Variants in AGBL1 observed in about 807,000 individuals in gnomAD.
AGBL1 encodes the protein cytosolic carboxypeptidase 4.
A neutral mutation model predicts 118.9 loss-of-function variants in AGBL1; 130 were observed. The ratio of observed to expected loss-of-function variants is 1.09; its 90% confidence interval spans 0.95 to 1.26. The LOEUF is 1.26. Among genes scored for constraint, AGBL1 ranks in the 50% most tolerant of loss-of-function variants. AGBL1 has a pLI of 0.00. For synonymous variants in AGBL1, 555 were observed against 478.9 expected, an observed-to-expected ratio of 1.16 and a Z score of -2.08; for missense variants, 1,584 against 1,298.1, an observed-to-expected ratio of 1.22 and a Z score of -3.38.
At chr15:86,937,626 AAT>A (rs2080692318) in intron 23 of AGBL1, among the ~76,000 whole-genome samples, 2 of 152,172 alleles carry the variant, frequency 1.3e-5, no homozygotes, top group Admixed American at 1.3e-4. Flanking sequence ...AGAAGAAAAC[AAT>A]AGACACTGAG....
downstream of AGBL1, among the ~76,000 whole-genome samples, chr15:86,917,691 G>A (rs753580471): frequency 3.9e-5 from 6 of 152,050 alleles, no homozygotes; most frequent in Non-Finnish European, 7.4e-5. This position sits in a 1 kb window ranked among gnomAD's most constrained non-coding sequence, Gnocchi z 4.8. Flanking sequence ...TGCAAATGTC[G>A]GGGTGAGGGA....
At chr15:86,321,396 A>G (rs1285242089) in intron 17 of AGBL1, among the ~76,000 whole-genome samples, 1 of 152,012 alleles carries the variant, frequency 6.6e-6, no homozygotes, top group East Asian at 1.9e-4. Context: ...AAGCTGTTCA[A>G]GTTCTTCCGC....
chr15:86,842,614 G>T (rs2079261339), intron 22 of AGBL1, among the ~76,000 whole-genome samples: 1 of 152,212 alleles, frequency 6.6e-6, no homozygotes, highest in Non-Finnish European at 1.5e-5. Context: ...CTAATATAAA[G>T]AAATGCTCCT....
downstream of AGBL1, among the ~76,000 whole-genome samples, chr15:87,030,678 T>G (rs1013753989): frequency 6.6e-6 from 1 of 152,052 alleles, no homozygotes; most frequent in Non-Finnish European, 1.5e-5. Flanking sequence ...CCCCTCTTTT[T>G]CTAAATAAAT....
chr15:86,436,945 T>A (rs1189240614), intron 18 of AGBL1, among the ~76,000 whole-genome samples: 1 of 151,766 alleles, frequency 6.6e-6, no homozygotes, highest in Non-Finnish European at 1.5e-5. Flanking sequence ...TAAAACAAAC[T>A]GGCCTTGCCA....
At chr15:86,216,331 C>A (rs955737144) in intron 5 of AGBL1, among the ~76,000 whole-genome samples, 5 of 151,974 alleles carry the variant, frequency 3.3e-5, no homozygotes, top group Admixed American at 1.3e-4. Context: ...GTATCTTTAT[C>A]TTATTTCTGA....
intron 22 of AGBL1, among the ~76,000 whole-genome samples, chr15:86,894,911 A>G (rs1280324693): frequency 1.3e-5 from 2 of 152,184 alleles, no homozygotes; most frequent in Non-Finnish European, 2.9e-5. Context: ...GTTTTATTGC[A>G]TTTTGCTAGA....
At chr15:86,125,560 A>C (rs1898372363) in intron 1 of AGBL1, among the ~76,000 whole-genome samples, 1 of 152,224 alleles carries the variant, frequency 6.6e-6, no homozygotes, top group South Asian at 2.1e-4. Context: ...ACAATTGATT[A>C]ATGGATATAT....
At chr15:86,490,923 A>C (rs2082769740) in intron 18 of AGBL1, among the ~76,000 whole-genome samples, 1 of 152,134 alleles carries the variant, frequency 6.6e-6, no homozygotes, top group Non-Finnish European at 1.5e-5. Flanking sequence ...AATCTAGATG[A>C]TGATTGTATC....
intron 24 of AGBL1, among the ~76,000 whole-genome samples, chr15:87,006,868 A>C (rs1432423245): frequency 1.3e-5 from 2 of 152,130 alleles, no homozygotes; most frequent in Non-Finnish European, 2.9e-5. Flanking sequence ...AGAAGAATGG[A>C]ATGAGAGAAA....
chr15:86,916,226 C>T (rs1791536953), downstream of AGBL1: 1 of 152,212 alleles, frequency 6.6e-6, no homozygotes, highest in Admixed American at 6.5e-5. Context: ...GTCAAAGAGA[C>T]CATTGTCCTG....
intron 19 of AGBL1, among the ~76,000 whole-genome samples, chr15:86,538,284 CAG>C (rs1467579998): frequency 6.6e-6 from 1 of 152,182 alleles, no homozygotes; most frequent in Non-Finnish European, 1.5e-5. Flanking sequence ...GGAAAGGAAA[CAG>C]AGCATAAAAT....
At chr15:86,154,180 C>G (rs1394152342) in intron 3 of AGBL1, among the ~76,000 whole-genome samples, 1 of 152,070 alleles carries the variant, frequency 6.6e-6, no homozygotes, top group Non-Finnish European at 1.5e-5. Context: ...TGAGGACAAC[C>G]TAAATATAGG....
chr15:86,884,339 A>G (rs1199888374), intron 22 of AGBL1, among the ~76,000 whole-genome samples: 1 of 152,158 alleles, frequency 6.6e-6, no homozygotes, highest in Non-Finnish European at 1.5e-5. Context: ...ATGGAGTGGG[A>G]CGACACAAGA....
At chr15:86,655,549 C>G (rs545030268) in intron 21 of AGBL1, among the ~76,000 whole-genome samples, 1 of 152,208 alleles carries the variant, frequency 6.6e-6, no homozygotes, top group Non-Finnish European at 1.5e-5. Context: ...TGTAAAGCAT[C>G]TTATATTATG....
chr15:86,791,080 T>C (rs567482379), intron 22 of AGBL1, among the ~76,000 whole-genome samples: 2 of 152,238 alleles, frequency 1.3e-5, no homozygotes, highest in Non-Finnish European at 2.9e-5. Flanking sequence ...GATATGAAAA[T>C]CCAGTCTTTA....
intron 22 of AGBL1, among the ~76,000 whole-genome samples, chr15:86,780,415 G>A (rs2078318308): frequency 6.6e-6 from 1 of 152,024 alleles, no homozygotes; most frequent in African/African-American, 2.4e-5. Flanking sequence ...TGTCCTTCAT[G>A]TTTATTGTTC....
At chr15:86,151,465 A>G (rs576021741) in intron 3 of AGBL1, among the ~76,000 whole-genome samples, 1 of 152,346 alleles carries the variant, frequency 6.6e-6, no homozygotes, top group South Asian at 2.1e-4. Context: ...AAGGCCTTCA[A>G]CAAAATTCAG....
At chr15:86,220,406 G>T (rs934520803) in intron 5 of AGBL1, among the ~76,000 whole-genome samples, 2 of 152,158 alleles carry the variant, frequency 1.3e-5, no homozygotes, top group Non-Finnish European at 2.9e-5. Flanking sequence ...AGGACATTTA[G>T]CTTGCTGCTT....
Sources: allele counts gnomAD v4.1 joint callset (sites outside exome capture counted in the v4.1 genomes callset), GRCh38; gene constraint gnomAD v4.1.1; non-coding constraint Gnocchi (gnomAD v3.1); transcripts MANE v1.5; gene names NCBI Gene and HGNC (gene_info 2026-07-23, HGNC 2026-07-21).